Variants in KNL1 observed in about 807,000 individuals in gnomAD.
KNL1 encodes outer kinetochore KNL1 complex subunit KNL1.
KNL1 carries 66 observed loss-of-function variants against 201.3 expected under a neutral mutation model. The observed-to-expected ratio is 0.33, with a 90% CI of 0.27 to 0.40. The LOEUF is 0.40. KNL1 is among the 10% of genes least tolerant of loss of function. KNL1 has a pLI of 1.00. For missense variants in KNL1, 2,815 were observed against 2,690.5 expected (o/e 1.05, Z -1.02); for synonymous variants, 895 against 899.2 (o/e 1.00, Z 0.08).
intron 13 of KNL1, among the ~76,000 whole-genome samples, chr15:40,632,210 A>ACCCCCCCCCCCCCCC (rs34274284): frequency 7.6e-6 from 1 of 131,712 alleles, no homozygotes; most frequent in Non-Finnish European, 1.6e-5. Flanking sequence ...ACATAGCGAG[A>ACCCCCCCCCCCCCCC]CCCCCCCCCA....
intron 17 of KNL1, among the ~76,000 whole-genome samples, chr15:40,649,636 A>G (rs201468624): frequency 3.0e-5 from 4 of 133,938 alleles, no homozygotes; most frequent in Admixed American, 1.5e-4. Flanking sequence ...GCAGAGTCTC[A>G]CTCTGTTGCC....
chr15:40,615,402 C>CT (rs1322490413), intron 8 of KNL1, 24 bp downstream of exon 8: 7 of 646,042 alleles, frequency 1.1e-5, no homozygotes, highest in Non-Finnish European at 1.8e-5. Flanking sequence ...GAATACTTTT[C>CT]TTATAGTAAG....
chr15:40,628,062 A>T lies in KNL1; in HGVS notation c.5377-8A>T. On this transcript the variant is annotated splice_polypyrimidine_tract_variant and splice_region_variant and intron_variant, in intron 10 of 25. Transcript: ENST00000399668. Reference sequence around the variant, plus strand: ...ATTCTGATGATATTCCTTAATTGACAATTTCAGATTTTTGATCACCATACT... The same window carrying T: ...ATTCTGATGATATTCCTTAATTGACTATTTCAGATTTTTGATCACCATACT... 1 of 1,577,236 alleles carries T rather than the reference A, an allele frequency of 6.3e-7. No individual in the cohort carries two copies. Among genetic ancestry groups the T allele is most frequent in the Non-Finnish European group, 8.6e-7 (1 of 1,163,538 alleles).
At chr15:40,618,845 C>A in intron 8 of KNL1, 114 bp from the exon 9 acceptor site, 1 of 630,408 alleles carries the variant, frequency 1.6e-6, no homozygotes. Flanking sequence ...TTCTTAAGGG[C>A]TTAGTTACTG....
At chr15:40,628,534 C>CA in intron 11 of KNL1, 77 bp from the exon 12 acceptor site, 1 of 1,023,212 alleles carries the variant, frequency 9.8e-7, no homozygotes, top group Non-Finnish European at 1.5e-6. Flanking sequence ...GGATCAGAAA[C>CA]AATCTGAATG....
rs761081810 is a variant in KNL1 at position 40,621,691 on chromosome 15, C to G, written c.1427C>G (p.Thr476Ser). ...GCTATGTCTTCTCTCACAGAGAAAA[C>G]TATTTATTCCGGAGAGGAGAACATG... is the stretch of plus-strand genomic sequence containing the variant. ...PDAMSSLTEK[T>S]IYSGEENMDI... The change falls in exon 10 of 26, where the codon ACT becomes AGT. Residue 476 changes from threonine (T) to serine (S), a missense_variant. Physicochemically the swap from Thr to Ser is moderately conservative, Grantham distance 58 (BLOSUM62 1). Coordinates refer to ENST00000399668, the MANE Select transcript of KNL1 (RefSeq NM_144508.5). 24 of 1,611,308 alleles carry G rather than the reference C, an allele frequency of 1.5e-5. No homozygotes were observed. Among genetic ancestry groups the G allele is most frequent in the Non-Finnish European group, 1.9e-5 (22 of 1,177,828 alleles).
chr15:40,600,017 A>G (rs920507748), intron 1 of KNL1, among the ~76,000 whole-genome samples: 1 of 148,768 alleles, frequency 6.7e-6, no homozygotes, highest in African/African-American at 2.5e-5. Context: ...CATGACCGTG[A>G]TATATTATCC....
rs747079969 is a variant in KNL1 at position 40,662,098 on chromosome 15, A to T, written c.6861A>T (p.Leu2287=). 1 of 1,607,182 alleles carries T rather than the reference A, an allele frequency of 6.2e-7. No homozygotes were observed. ...GCCAAGATGATATTGCTACCATTCTATCTAAAGTGCCACTGGAGAACAACT... is the reference window on the plus strand; with the variant it reads ...GCCAAGATGATATTGCTACCATTCTTTCTAAAGTGCCACTGGAGAACAACT... ...NTSQDDIATI[L]SKVPLENNYL... The change falls in exon 26 of 26, where the codon CTA becomes CTT. Residue 2287 remains leucine, a synonymous_variant. Transcript: ENST00000399668.
In KNL1 at chr15:40,624,418, T is replaced by G; in HGVS notation, c.4154T>G (p.Leu1385Arg). Residue 1385 changes from leucine to arginine, a missense_variant, in exon 10 of 26, where the codon CTG (leucine) becomes CGG (arginine). Physicochemically the swap from Leu to Arg is moderately radical, Grantham distance 102. This residue lies in a region of KNL1 where 2,464 missense variants were observed against 2,291.7 expected (regional missense o/e 1.08). Coordinates refer to ENST00000399668, the MANE Select transcript of KNL1 (RefSeq NM_144508.5). ...TKGQLDCVITLHKDQDLIKDP... is the reference protein window; with the variant it reads ...TKGQLDCVITRHKDQDLIKDP... ...GGACAGTTAGACTGTGTTATAACAC[T>G]GCACAAAGATCAAGATCTGATTAAG... 3 of 1,614,020 alleles carry G rather than the reference T, an allele frequency of 1.9e-6. No homozygotes were observed. Among genetic ancestry groups the G allele is most frequent in the South Asian group, 2.2e-5 (2 of 91,080 alleles).
intron 22 of KNL1, among the ~76,000 whole-genome samples, chr15:40,655,717 A>G (rs1035211850): frequency 6.6e-6 from 1 of 151,910 alleles, no homozygotes; most frequent in African/African-American, 2.4e-5. Context: ...GATCGAGACT[A>G]TCCTGGCTAA....
chr15:40,606,351 A>G, intron 3 of KNL1, 42 bp from the exon 4 acceptor site: 2 of 1,188,420 alleles, frequency 1.7e-6, no homozygotes, highest in Non-Finnish European at 1.3e-6. Flanking sequence ...TTCTTAATAG[A>G]TATGCCAGAT....
intron 21 of KNL1, among the ~76,000 whole-genome samples, chr15:40,653,973 G>A (rs1480165717): frequency 6.6e-6 from 1 of 152,076 alleles, no homozygotes; most frequent in African/African-American, 2.4e-5. Context: ...TGCTTTCTGT[G>A]GTTTTCCTTA....
rs747502325 is a variant in KNL1, at chr15:40,662,059, C to T, written c.6837-15C>T. ...GTCGCAAAAAAGAAAATTGATTAAC[C>T]TTTGTTCTTTCCAGCCAAGATGATA... On this transcript the variant is annotated splice_polypyrimidine_tract_variant and intron_variant, in intron 25 of 25. Transcript: ENST00000399668. 32 of 1,468,676 alleles carry T rather than the reference C, an allele frequency of 2.2e-5. No homozygotes were observed. Among genetic ancestry groups the T allele is most frequent in the African/African-American group, 2.8e-5 (2 of 71,974 alleles). The allele number at this position is 1,468,676 out of a possible 1,614,324, so 91.0% of individuals were successfully genotyped here. A position where few individuals can be genotyped will look rare whatever the true frequency, so the allele number is the denominator to read the frequency against.
In KNL1 at chr15:40,629,301, G is replaced by C. The variant is rs765821198; in HGVS notation, c.5612G>C (p.Arg1871Thr). 2 of 1,599,656 alleles carry C rather than the reference G, an allele frequency of 1.3e-6. No homozygotes were observed. Among genetic ancestry groups the C allele is most frequent in the Non-Finnish European group, 1.7e-6 (2 of 1,176,634 alleles). ...CTCCAAGATGGGAGAATAACAATAA[G>C]GGAGTTCTTTATACTTCTCCAGGTC... The part of the protein sequence containing the change: ...EKLQDGRITI[R>T]EFFILLQVHI... Residue 1871 changes from arginine (R) to threonine (T), a missense_variant, in exon 13 of 26, where the codon AGG becomes ACG. Arg to Thr is a moderately conservative substitution (Grantham distance 71, BLOSUM62 -1). This residue lies in a region of KNL1 where 2,464 missense variants were observed against 2,291.7 expected (regional missense o/e 1.08). Transcript: ENST00000399668.
At chr15:40,603,911 T>C (rs1385668797) in intron 2 of KNL1, among the ~76,000 whole-genome samples, 1 of 152,242 alleles carries the variant, frequency 6.6e-6, no homozygotes. Context: ...ACTTCCAGCT[T>C]GTCAGGTCAT....
chr15:40,643,805 C>G (rs1893303621), intron 14 of KNL1, among the ~76,000 whole-genome samples: 1 of 152,168 alleles, frequency 6.6e-6, no homozygotes, highest in African/African-American at 2.4e-5. Context: ...GTATGACATT[C>G]TTGAACTACT....
chr15:40,596,862 T>C (rs1340768361), intron 1 of KNL1, among the ~76,000 whole-genome samples: 1 of 151,652 alleles, frequency 6.6e-6, no homozygotes, highest in African/African-American at 2.4e-5. Flanking sequence ...TAGCCAAGCG[T>C]GGTGGCGCAT....
chr15:40,625,444 ACT>A lies in KNL1; in HGVS notation c.5183_5184del (p.Ser1728TyrfsTer2). 3 of 1,613,596 alleles carry A rather than the reference ACT, an allele frequency of 1.9e-6. No homozygotes were observed. The highest frequency in any genetic ancestry group is 2.5e-6 in the Non-Finnish European group (3 of 1,179,614). On this transcript the variant is annotated frameshift_variant, in exon 10 of 26. Coordinates refer to ENST00000399668, the MANE Select transcript of KNL1 (RefSeq NM_144508.5). LOFTEE classifies it high-confidence loss of function. ...TATCCTGATGAGATCAATTCTTCAG[ACT>A]CTATTAACATAGAAACTGAGGAAAA...
Position 40,628,196 on chromosome 15 carries a change from C to G in KNL1, c.5503C>G (p.Leu1835Val). The G allele has an allele frequency of 6.2e-7, 1 of 1,601,594 alleles. No individual in the cohort carries two copies. Among genetic ancestry groups the G allele is most frequent in the Non-Finnish European group, 8.5e-7 (1 of 1,176,254 alleles). ...TTCAATCAAGGCTGATGGGACCTCT[C>G]TGGACTTCAGCAGTAAGAGCTTCAT... The part of the protein sequence containing the change: ...LDSIKADGTS[L>V]DFSTYRSSQM... Residue 1835 changes from leucine (L) to valine (V), a missense_variant, in exon 11 of 26, where the codon CTG becomes GTG. Around this residue, in one of 3 missense-constraint regions of KNL1, gnomAD observed 2,464 missense variants for 2,291.7 expected, o/e 1.08. Transcript: ENST00000399668.
Sources: allele counts gnomAD v4.1 joint callset (sites outside exome capture counted in the v4.1 genomes callset), GRCh38; gene constraint gnomAD v4.1.1; regional missense constraint gnomAD v4.1.1; transcripts MANE v1.5; gene names NCBI Gene and HGNC (gene_info 2026-07-23, HGNC 2026-07-21).